Variants in CHSY3 observed in about 807,000 individuals in gnomAD.
The protein encoded by CHSY3 is chondroitin sulfate synthase 3, also known as N-acetylgalactosaminyl-proteoglycan 3-beta-glucuronosyltransferase 3.
In CHSY3, 35 loss-of-function variants were observed where a neutral mutation model predicts 67.2. That is an observed-to-expected ratio of 0.52 (90% CI 0.40 to 0.69). The LOEUF (loss-of-function observed/expected upper bound fraction) is 0.69. Ranked by LOEUF, CHSY3 falls within the 30% of genes least tolerant of loss-of-function variation. The probability of loss-of-function intolerance (pLI) is 0.00; values close to 1 mark genes in which losing one functional copy is unlikely to be tolerated. For synonymous variants in CHSY3, 474 were observed against 434.7 expected (o/e 1.09, Z -1.12); for missense variants, 1,069 against 1,138.5 (o/e 0.94, Z 0.88).
intron 2 of CHSY3, among the ~76,000 whole-genome samples, chr5:130,180,195 C>T (rs995791742): frequency 1.3e-5 from 2 of 152,180 alleles, no homozygotes; most frequent in African/African-American, 4.8e-5. Context: ...CCCCTGTTTC[C>T]AAATGATCCT....
At chr5:130,098,867 T>C (rs1478223629) in intron 2 of CHSY3, among the ~76,000 whole-genome samples, 2 of 152,256 alleles carry the variant, frequency 1.3e-5, no homozygotes, top group Non-Finnish European at 2.9e-5. Context: ...CTTTGAATAA[T>C]AGTTAATGAC....
At chr5:129,905,702 C>A in intron 1 of CHSY3, 71 bp downstream of exon 1, 1 of 1,554,846 alleles carries the variant, frequency 6.4e-7, no homozygotes, top group South Asian at 1.2e-5. Context: ...GGTCCTAGCC[C>A]CTGCCCAGCC....
intron 2 of CHSY3, among the ~76,000 whole-genome samples, chr5:130,169,592 C>T (rs944785747): frequency 7.3e-5 from 11 of 151,544 alleles, no homozygotes; most frequent in Admixed American, 6.6e-4. Context: ...TGCTCTCTAA[C>T]ATTAGTGAAT....
chr5:130,087,282 C>G (rs966099673), intron 2 of CHSY3, among the ~76,000 whole-genome samples: 6 of 152,192 alleles, frequency 3.9e-5, no homozygotes, highest in South Asian at 2.1e-4. Flanking sequence ...GCAAAAACTG[C>G]AAGCATTCCC....
intron 2 of CHSY3, among the ~76,000 whole-genome samples, chr5:130,054,287 A>C (rs186660655): frequency 2.0e-5 from 3 of 152,294 alleles, no homozygotes; most frequent in Admixed American, 1.3e-4. Context: ...TTATGGATAT[A>C]GCCTCCTATT....
At chr5:130,016,606 C>A (rs1188718739) in intron 2 of CHSY3, among the ~76,000 whole-genome samples, 1 of 152,124 alleles carries the variant, frequency 6.6e-6, no homozygotes, top group Non-Finnish European at 1.5e-5. Flanking sequence ...GGTTGGGTTT[C>A]CCCATGTTGG....
At chr5:130,127,312 C>G (rs1475562072) in intron 2 of CHSY3, among the ~76,000 whole-genome samples, 2 of 152,136 alleles carry the variant, frequency 1.3e-5, no homozygotes, top group African/African-American at 4.8e-5. Context: ...GTGCCAGACA[C>G]TTCCCCACAT....
At chr5:130,153,908 TTTTGTTTG>T (rs566849744) in intron 2 of CHSY3, among the ~76,000 whole-genome samples, 9 of 150,140 alleles carry the variant, frequency 6.0e-5, no homozygotes, top group East Asian at 2.0e-4. Flanking sequence ...TTCTGGCTGT[TTTTGTTTG>T]TTTGTTTGTT....
At chr5:130,020,461 A>ATATATATATATT (rs1371121130) in intron 2 of CHSY3, among the ~76,000 whole-genome samples, 30 of 79,848 alleles carry the variant, frequency 3.8e-4, no homozygotes, top group Non-Finnish European at 6.0e-4. Context: ...ATATATATAT[A>ATATATATATATT]TTTTTTTTTT....
At chr5:129,968,731 G>T (rs1014413338) in intron 2 of CHSY3, among the ~76,000 whole-genome samples, 2 of 151,830 alleles carry the variant, frequency 1.3e-5, no homozygotes, top group Non-Finnish European at 2.9e-5. Flanking sequence ...ACTGTTACAA[G>T]ATCTCCCAGC....
chr5:130,073,444 C>T (rs145660228), intron 2 of CHSY3, among the ~76,000 whole-genome samples: 90 of 152,050 alleles, frequency 5.9e-4, no homozygotes, highest in African/African-American at 2.0e-3. Context: ...TATGCTACCA[C>T]GCCTGACTAG....
chr5:130,061,430 A>G (rs1023821461), intron 2 of CHSY3, among the ~76,000 whole-genome samples: 1 of 152,274 alleles, frequency 6.6e-6, no homozygotes, highest in East Asian at 1.9e-4. Context: ...ACTTAAACAT[A>G]AGACCTGAAA....
intron 2 of CHSY3, among the ~76,000 whole-genome samples, chr5:130,029,811 A>G (rs1376520643): frequency 1.3e-5 from 2 of 152,150 alleles, no homozygotes; most frequent in Admixed American, 6.6e-5. Context: ...GCACAGAGAC[A>G]GAATTGATTC....
In CHSY3 at chr5:130,158,800, G is replaced by GTTTA. The variant is rs369015509; in HGVS notation, c.1087-25417_1087-25414dup. The stretch of plus-strand genomic sequence containing the variant: ...GAATTTCCATTTTTTTTATTTGTTT[G>GTTTA]TTTATTTATTTATTTTAGAGACAGG... On this transcript the variant is annotated intron_variant, in intron 2 of 2. Coordinates refer to ENST00000305031, the MANE Select transcript of CHSY3 (RefSeq NM_175856.5). Among the ~76,000 whole-genome samples the GTTTA allele has an allele frequency of 9.2e-3, 1,393 of 152,108 alleles. 27 individuals carry two copies. Among genetic ancestry groups the GTTTA allele is most frequent in the African/African-American group, 0.032 (1,332 of 41,520 alleles).
intron 2 of CHSY3, among the ~76,000 whole-genome samples, chr5:130,135,593 C>G (rs973454041): frequency 5.9e-5 from 9 of 152,082 alleles, no homozygotes; most frequent in African/African-American, 2.2e-4. Context: ...TTCCTTTGTT[C>G]TTTGTTACCA....
In CHSY3 at chr5:129,950,102, A is replaced by G. The variant is rs1761982044; in HGVS notation, c.1086+41742A>G. On this transcript the variant is annotated intron_variant, in intron 2 of 2. Coordinates refer to ENST00000305031, the MANE Select transcript of CHSY3 (RefSeq NM_175856.5). ...AGAATCTCTTGAACCCAGGAGGCAG[A>G]GGTTGCAGTGAGCTGAGATTGCGCC... Among the ~76,000 whole-genome samples, 3 of 150,868 alleles carry G rather than the reference A, an allele frequency of 2.0e-5. 1 individual carries two copies. In the South Asian group the frequency reaches 6.3e-4, roughly 32 times the overall value.
chr5:129,979,586 C>A (rs546410291), intron 2 of CHSY3, among the ~76,000 whole-genome samples: 6 of 152,094 alleles, frequency 3.9e-5, no homozygotes, highest in Non-Finnish European at 7.4e-5. Flanking sequence ...TTGTTACAAT[C>A]GATGAGCCTG....
chr5:129,957,028 A>G (rs891292153), intron 2 of CHSY3, among the ~76,000 whole-genome samples: 10 of 152,112 alleles, frequency 6.6e-5, no homozygotes, highest in African/African-American at 2.2e-4. Flanking sequence ...TAATAGGAAT[A>G]GCATTGAACC....
In CHSY3 at chr5:130,164,097, G is replaced by A. The variant is rs146684643; in HGVS notation, c.1087-20132G>A. Among the ~76,000 whole-genome samples the A allele has an allele frequency of 1.4e-3, 210 of 152,288 alleles. 4 individuals carry two copies. In the East Asian group the frequency reaches 0.036, roughly 26 times the overall value. On this transcript the variant is annotated intron_variant, in intron 2 of 2. Coordinates refer to ENST00000305031, the MANE Select transcript of CHSY3 (RefSeq NM_175856.5). ...CCGTGATTGAAGGGAGGAGAAAAAT[G>A]GGCTCCAGAGCCCTGTTAATATGTC...
Sources: allele counts gnomAD v4.1 joint callset (sites outside exome capture counted in the v4.1 genomes callset), GRCh38; gene constraint gnomAD v4.1.1; transcripts MANE v1.5; gene names NCBI Gene and HGNC (gene_info 2026-07-23, HGNC 2026-07-21).